The following LRIG2 variants were observed in gnomAD, a reference collection of about 807,000 sequenced individuals.
LRIG2 encodes the protein leucine rich repeats and immunoglobulin like domains 2, also known as leucine-rich repeats and immunoglobulin-like domains protein 2.
A neutral mutation model predicts 107.8 loss-of-function variants in LRIG2; 93 were observed. That is an observed-to-expected ratio of 0.86 (90% CI 0.73 to 1.03). LRIG2 has a LOEUF of 1.03. Among genes scored for constraint, LRIG2 ranks in the 50% least tolerant of loss-of-function variants. LRIG2 has a pLI of 0.00. For synonymous variants in LRIG2, 471 were observed against 470.6 expected, an observed-to-expected ratio of 1.00 and a Z score of -0.01; for missense variants, 1,226 against 1,296.0, an observed-to-expected ratio of 0.95 and a Z score of 0.83.
chr1:113,113,749 G>A (rs1330226030), intron 14 of LRIG2, among the ~76,000 whole-genome samples: 3 of 151,780 alleles, frequency 2.0e-5, no homozygotes, highest in African/African-American at 7.3e-5. Context: ...TTTTTTTAGA[G>A]ACGGGGTTTC....
At chr1:113,077,625 A>G (rs1363585321) in intron 1 of LRIG2, among the ~76,000 whole-genome samples, 2 of 152,264 alleles carry the variant, frequency 1.3e-5, no homozygotes, top group African/African-American at 2.4e-5. Context: ...GTTTTTTAGC[A>G]TAGAGGACAT....
intron 4 of LRIG2, 79 bp from the exon 5 acceptor site, chr1:113,094,260 T>G: frequency 9.6e-7 from 1 of 1,037,398 alleles, no homozygotes; most frequent in Non-Finnish European, 1.4e-6. Context: ...GGCTTAGACA[T>G]AGATTTTTGG....
At chr1:113,079,343 A>G (rs1270329221) in intron 1 of LRIG2, among the ~76,000 whole-genome samples, 1 of 124,204 alleles carries the variant, frequency 8.1e-6, no homozygotes, top group East Asian at 2.2e-4. Flanking sequence ...GCAAGATCCT[A>G]TTTAAAAAAA....
At position 113,100,311 on chromosome 1, in the gene LRIG2, T is replaced by G. The variant is rs781479873; in HGVS notation, c.1244+29T>G. ...AGTATTTTGCATACATTTTGCTTAC[T>G]CTATAAATAATCTTTGCTATTAGCA... is the stretch of plus-strand genomic sequence containing the variant. On this transcript the variant is annotated intron_variant, in intron 10 of 17. Transcript: ENST00000361127. The G allele has an allele frequency of 1.2e-5, 19 of 1,550,642 alleles. No individual in the cohort carries two copies. In the South Asian group the frequency reaches 2.2e-4, roughly 18 times the overall value.
chr1:113,084,006 A>AAT, intron 1 of LRIG2, among the ~76,000 whole-genome samples: 1 of 110,092 alleles, frequency 9.1e-6, no homozygotes, highest in East Asian at 4.5e-4. Flanking sequence ...GTATAATAAT[A>AAT]ATAATAATAA....
chr1:113,080,736 C>T (rs895288278), intron 1 of LRIG2, among the ~76,000 whole-genome samples: 9 of 151,658 alleles, frequency 5.9e-5, no homozygotes, highest in African/African-American at 2.2e-4. Context: ...CCTCATTATC[C>T]ATAGTAAATG....
chr1:113,078,688 T>C (rs1653107033), intron 1 of LRIG2, among the ~76,000 whole-genome samples: 1 of 151,456 alleles, frequency 6.6e-6, no homozygotes, highest in South Asian at 2.1e-4. Flanking sequence ...TTGCTTAGGC[T>C]GGAGTGCAAT....
At position 113,094,436 on chromosome 1, in the gene LRIG2, A is replaced by G. The variant is rs576645250; in HGVS notation, c.613A>G (p.Ser205Gly). 2 of 1,613,274 alleles carry G rather than the reference A, an allele frequency of 1.2e-6. No individual in the cohort carries two copies. Among genetic ancestry groups the G allele is most frequent in the East Asian group, 4.5e-5 (2 of 44,856 alleles). Reference sequence around the variant, plus strand: ...GGTAAAGTTAAACCGTAACCGAATGAGCATGATTCCACCTAAGATCTTCAA... The same window carrying G: ...GGTAAAGTTAAACCGTAACCGAATGGGCATGATTCCACCTAAGATCTTCAA... ...LVVKLNRNRMSMIPPKIFKLP... is the reference protein window; with the variant it reads ...LVVKLNRNRMGMIPPKIFKLP... The change falls in exon 5 of 18, where the codon AGC (serine) becomes GGC (glycine). Residue 205 changes from serine (S) to glycine (G), a missense_variant. By Grantham distance (56) the Ser-to-Gly change is moderately conservative. Around this residue, in one of 3 missense-constraint regions of LRIG2, gnomAD observed 570 missense variants for 550.2 expected, o/e 1.04. Coordinates refer to ENST00000361127, the MANE Select transcript of LRIG2 (RefSeq NM_014813.3).
rs1206585150 is a variant in LRIG2, at chr1:113,125,087, G to C, written c.*986G>C. ...AGGCTGAGGTGGGAGGGTCACTTGA[G>C]CCCGGGAAATCAAGGCTGCAGTGAG... is the stretch of plus-strand genomic sequence containing the variant. On this transcript the variant is annotated 3_prime_UTR_variant, in exon 18 of 18. Coordinates refer to ENST00000361127, the MANE Select transcript of LRIG2 (RefSeq NM_014813.3). 6.6e-6 allele frequency: 1 copy of C among 152,130 alleles called. No homozygotes were observed. Among genetic ancestry groups the C allele is most frequent in the African/African-American group, 2.4e-5 (1 of 41,424 alleles). 9.4% of individuals were successfully genotyped at this position (152,130 alleles called of 1,614,324 possible).
At chr1:113,120,074 G>T (rs907664574) in intron 17 of LRIG2, among the ~76,000 whole-genome samples, 2 of 151,878 alleles carry the variant, frequency 1.3e-5, no homozygotes, top group Non-Finnish European at 2.9e-5. Flanking sequence ...CTCCCAAAGT[G>T]CTGAGATTAC....
At position 113,078,869 on chromosome 1, in the gene LRIG2, A is replaced by T. The variant is rs912254241; in HGVS notation, c.239+5224A>T. ...TGGTCAGGCTGGTCTCAAACTCCCA[A>T]CCTCAGGTGATCTGCCCACCTCGGC... On this transcript the variant is annotated intron_variant, in intron 1 of 17. Coordinates refer to ENST00000361127, the MANE Select transcript of LRIG2 (RefSeq NM_014813.3). Among the ~76,000 whole-genome samples, 8 of 151,984 alleles carry T rather than the reference A, an allele frequency of 5.3e-5. No individual in the cohort carries two copies. The East Asian group carries it at 1.5e-3, about 29-fold the overall frequency.
At chr1:113,074,908 G>T (rs1185605941) in intron 1 of LRIG2, among the ~76,000 whole-genome samples, 28 of 142,892 alleles carry the variant, frequency 2.0e-4, no homozygotes, top group East Asian at 2.0e-3. Context: ...ACTCCGTCTG[G>T]GGGGAGGGAG....
At position 113,112,746 on chromosome 1, in the gene LRIG2, C is replaced by T. The variant is rs762831744; in HGVS notation, c.2066C>T (p.Ser689Phe). The T allele has an allele frequency of 4.4e-6, 7 of 1,604,050 alleles. No homozygotes were observed. Among genetic ancestry groups the T allele is most frequent in the East Asian group, 4.5e-5 (2 of 44,598 alleles). The change falls in exon 14 of 18, where the codon TCC (serine) becomes TTC (phenylalanine). Residue 689 changes from serine to phenylalanine, a missense_variant. By Grantham distance (155) the Ser-to-Phe change is radical (BLOSUM62 -2). Transcript: ENST00000361127. Reference protein sequence around the residue: ...NTAGGLSANASLTVLETPSFI... With the variant: ...NTAGGLSANAFLTVLETPSFI... ...GCAGGAGGTCTCTCAGCAAATGCTT[C>T]CCTAACAGTGTTAGGTACGTTTACT... is the stretch of plus-strand genomic sequence containing the variant.
intron 14 of LRIG2, among the ~76,000 whole-genome samples, chr1:113,113,693 G>T (rs1432006194): frequency 6.6e-6 from 1 of 151,904 alleles, no homozygotes. Context: ...CTCCTGAGTA[G>T]CTGGTACTAC....
At chr1:113,077,435 C>G (rs146384608) in intron 1 of LRIG2, among the ~76,000 whole-genome samples, 73 of 152,266 alleles carry the variant, frequency 4.8e-4, no homozygotes, top group African/African-American at 1.7e-3. Flanking sequence ...AGCCACTGTG[C>G]CTGGCCAGCT....
chr1:113,118,312 G>A (rs1332654929), intron 16 of LRIG2, among the ~76,000 whole-genome samples: 1 of 152,110 alleles, frequency 6.6e-6, no homozygotes, highest in Non-Finnish European at 1.5e-5. Context: ...AATAATCCAG[G>A]GAGTTCATTG....
At chr1:113,098,869 A>T in intron 9 of LRIG2, 84 bp downstream of exon 9, 1 of 825,058 alleles carries the variant, frequency 1.2e-6, no homozygotes, top group South Asian at 1.5e-5. Flanking sequence ...TGTTTATTTC[A>T]TATGGCTACA....
chr1:113,094,983 TA>T (rs1337430911), intron 6 of LRIG2, among the ~76,000 whole-genome samples: 2 of 57,872 alleles, frequency 3.5e-5, no homozygotes, highest in Non-Finnish European at 4.8e-5. Flanking sequence ...TATATATATA[TA>T]TTTTTTTTGA....
In LRIG2 at chr1:113,095,963, C is replaced by G. The variant is rs1654047090; in HGVS notation, c.893C>G (p.Ala298Gly). ...MLQQLYVSQN[A>G]IERISPDAWE... is the part of the protein sequence containing the mutation. The stretch of plus-strand genomic sequence containing the variant: ...CAGCAGCTCTATGTGAGCCAGAATG[C>G]TATTGAAAGAATCAGCCCTGATGCA... Residue 298 changes from alanine to glycine, a missense_variant, in exon 7 of 18, where the codon GCT becomes GGT. By Grantham distance (60) the Ala-to-Gly change is moderately conservative. Coordinates refer to ENST00000361127, the MANE Select transcript of LRIG2 (RefSeq NM_014813.3). The G allele has an allele frequency of 6.2e-7, 1 of 1,614,190 alleles. No homozygotes were observed. The highest frequency in any genetic ancestry group is 8.5e-7 in the Non-Finnish European group (1 of 1,180,020).
Sources: gnomAD v4.1 joint callset for allele counts (sites outside exome capture counted in the v4.1 genomes callset) on GRCh38, gnomAD v4.1.1 for gene constraint, gnomAD v4.1.1 regional missense constraint, MANE v1.5 for transcripts, NCBI Gene and HGNC (gene_info 2026-07-23, HGNC 2026-07-21) for gene names.